Variants in ASCC3 observed in about 807,000 individuals in gnomAD.
ASCC3 encodes activating signal cointegrator 1 complex subunit 3, also known as ASC-1 complex subunit P200.
A neutral mutation model predicts 256.3 loss-of-function variants in ASCC3; 158 were observed. That is an observed-to-expected ratio of 0.62 (90% CI 0.54 to 0.70). The LOEUF (loss-of-function observed/expected upper bound fraction) is 0.70. ASCC3 is among the 30% of genes least tolerant of loss of function. The pLI is 0.00. For missense variants in ASCC3, 2,259 were observed against 2,626.0 expected, an observed-to-expected ratio of 0.86 and a Z score of 3.05; for synonymous variants, 948 against 883.4, an observed-to-expected ratio of 1.07 and a Z score of -1.30.
chr6:100,858,250 C>A, intron 3 of ASCC3: 1 of 545,406 alleles, frequency 1.8e-6, no homozygotes, highest in Non-Finnish European at 2.3e-6. Context: ...TTGTTAAATT[C>A]ATTTTCTACA....
intron 8 of ASCC3, among the ~76,000 whole-genome samples, chr6:100,781,553 T>C (rs78769562): frequency 2.8e-5 from 4 of 140,500 alleles, no homozygotes; most frequent in Non-Finnish European, 4.6e-5. Flanking sequence ...CTGGCTAATT[T>C]TTTTTTTTTT....
intron 4 of ASCC3, among the ~76,000 whole-genome samples, chr6:100,840,484 C>T (rs1772087202): frequency 7.9e-6 from 1 of 126,904 alleles, no homozygotes; most frequent in South Asian, 2.5e-4. Flanking sequence ...CATGCCACGC[C>T]AGGCTTTTTT....
chr6:100,659,946 T>C (rs1374871359), intron 16 of ASCC3, among the ~76,000 whole-genome samples: 2 of 128,512 alleles, frequency 1.6e-5, no homozygotes, highest in Non-Finnish European at 3.7e-5. Flanking sequence ...TAGAATGTTA[T>C]GCAAACACCT....
intron 13 of ASCC3, among the ~76,000 whole-genome samples, chr6:100,690,667 G>T (rs1372509694): frequency 6.6e-6 from 1 of 151,988 alleles, no homozygotes; most frequent in Non-Finnish European, 1.5e-5. Flanking sequence ...CCTCAAATAG[G>T]GTTAATTTAT....
chr6:100,605,226 C>G (rs1414791993), intron 33 of ASCC3, among the ~76,000 whole-genome samples: 1 of 152,098 alleles, frequency 6.6e-6, no homozygotes, highest in Non-Finnish European at 1.5e-5. Context: ...GCTGGTCTTG[C>G]TACCATCTCC....
At chr6:100,659,061 T>C (rs938209756) in intron 16 of ASCC3, among the ~76,000 whole-genome samples, 1 of 151,402 alleles carries the variant, frequency 6.6e-6, no homozygotes, top group Non-Finnish European at 1.5e-5. Flanking sequence ...ATGTGCCTCA[T>C]AACATGTTTG....
chr6:100,655,250 A>G (rs967694837), intron 17 of ASCC3, among the ~76,000 whole-genome samples: 3 of 151,892 alleles, frequency 2.0e-5, no homozygotes, highest in Admixed American at 6.6e-5. Context: ...CCAGTCCTCA[A>G]ACTGTTAAGA....
At chr6:100,562,570 C>T (rs1355284901) in intron 36 of ASCC3, among the ~76,000 whole-genome samples, 1 of 151,986 alleles carries the variant, frequency 6.6e-6, no homozygotes, top group African/African-American at 2.4e-5. Flanking sequence ...CACTTTTTCC[C>T]ACTGATTCCC....
intron 25 of ASCC3, among the ~76,000 whole-genome samples, chr6:100,637,707 C>A (rs1190869678): frequency 6.6e-6 from 1 of 152,020 alleles, no homozygotes; most frequent in African/African-American, 2.4e-5. Flanking sequence ...GTTGATTCCA[C>A]CCTTCACGGA....
chr6:100,843,516 C>A (rs549021555), intron 4 of ASCC3, among the ~76,000 whole-genome samples: 2 of 152,284 alleles, frequency 1.3e-5, no homozygotes, highest in South Asian at 2.1e-4. Context: ...TCAGTATCTA[C>A]ATCAGCATTA....
intron 8 of ASCC3, among the ~76,000 whole-genome samples, chr6:100,798,232 G>T (rs966119731): frequency 6.6e-6 from 1 of 151,888 alleles, no homozygotes; most frequent in African/African-American, 2.4e-5. Context: ...TTTAACAAAT[G>T]GTGAATCCAA....
intron 13 of ASCC3, among the ~76,000 whole-genome samples, chr6:100,699,944 G>T (rs1013750747): frequency 6.6e-6 from 1 of 152,134 alleles, no homozygotes; most frequent in African/African-American, 2.4e-5. Context: ...TTTTAAAAGG[G>T]AAACAGAGCA....
In ASCC3 at chr6:100,509,361, T is replaced by C. The variant is rs781382444; in HGVS notation, c.*25A>G. The C allele has an allele frequency of 3.1e-6, 5 of 1,613,666 alleles. No homozygotes were observed. The Admixed American group carries it at 8.3e-5, about 27-fold the overall frequency. On this transcript the variant is annotated 3_prime_UTR_variant, in exon 42 of 42. Transcript: ENST00000369162. ...AACAGAGAGAATTCTTAGCCACTCC[T>C]TTCAAATGGATTGTTCAGGTCAAGT...
intron 10 of ASCC3, among the ~76,000 whole-genome samples, chr6:100,762,973 A>T (rs889458053): frequency 6.6e-6 from 1 of 152,236 alleles, no homozygotes; most frequent in Admixed American, 6.5e-5. Flanking sequence ...TATTTGATTT[A>T]ATCAATGCTG....
chr6:100,716,089 T>A (rs1325098904), intron 12 of ASCC3, among the ~76,000 whole-genome samples: 1 of 151,886 alleles, frequency 6.6e-6, no homozygotes, highest in Non-Finnish European at 1.5e-5. Context: ...GGAAATCTAA[T>A]ATAAAATTTA....
intron 4 of ASCC3, among the ~76,000 whole-genome samples, chr6:100,822,743 T>C (rs1196049706): frequency 6.6e-6 from 1 of 152,136 alleles, no homozygotes; most frequent in Non-Finnish European, 1.5e-5. Context: ...AAATGCTCTC[T>C]ATATACAGCA....
intron 13 of ASCC3, among the ~76,000 whole-genome samples, chr6:100,710,757 T>C (rs943165889): frequency 1.3e-4 from 20 of 152,302 alleles, no homozygotes; most frequent in African/African-American, 4.6e-4. Context: ...ACTGCTACTT[T>C]TCCCAACATT....
At chr6:100,753,508 TAAA>T (rs5878645) in intron 10 of ASCC3, among the ~76,000 whole-genome samples, 4 of 140,206 alleles carry the variant, frequency 2.9e-5, no homozygotes, top group African/African-American at 5.1e-5. Context: ...TTTTTTTTTT[TAAA>T]AAAAAAAACA....
At chr6:100,711,535 T>C (rs1778851729) in intron 13 of ASCC3, among the ~76,000 whole-genome samples, 1 of 152,134 alleles carries the variant, frequency 6.6e-6, no homozygotes. Flanking sequence ...AAGACTAGCC[T>C]GACCAACATG....
Sources: allele counts gnomAD v4.1 joint callset (sites outside exome capture counted in the v4.1 genomes callset), GRCh38; gene constraint gnomAD v4.1.1; transcripts MANE v1.5; gene names NCBI Gene and HGNC (gene_info 2026-07-23, HGNC 2026-07-21).